CENPP: variants seen among roughly 807,000 people sequenced by gnomAD.
CENPP encodes the protein centromere protein P.
A neutral mutation model predicts 35.6 loss-of-function variants in CENPP; 24 were observed. That is an observed-to-expected ratio of 0.67 (90% CI 0.49 to 0.95). CENPP has a LOEUF of 0.95. Among genes scored for constraint, CENPP ranks in the 40% least tolerant of loss-of-function variants. The pLI, the probability that CENPP is intolerant of heterozygous loss-of-function variation, is 0.00. For missense variants in CENPP, 332 were observed against 345.3 expected (o/e 0.96, Z 0.31); for synonymous variants, 120 against 125.5 (o/e 0.96, Z 0.29).
chr9:92,579,220 G>T (rs1850358965), intron 5 of CENPP, among the ~76,000 whole-genome samples: 1 of 148,720 alleles, frequency 6.7e-6, no homozygotes, highest in Non-Finnish European at 1.5e-5. Context: ...AGTATAGTTT[G>T]AAGTCAGGTA....
chr9:92,345,864 CTCT>C (rs549522176), intron 4 of CENPP, 77 bp downstream of exon 4: 20 of 820,146 alleles, frequency 2.4e-5, no homozygotes, highest in Non-Finnish European at 3.8e-5. Context: ...TTACCTTTTC[CTCT>C]TCTTAGTAAG....
At chr9:92,581,650 G>T (rs1850428640) in intron 5 of CENPP, among the ~76,000 whole-genome samples, 1 of 152,158 alleles carries the variant, frequency 6.6e-6, no homozygotes, top group Non-Finnish European at 1.5e-5. Flanking sequence ...AATAGAAACT[G>T]AGAGAATTTA....
At chr9:92,492,721 T>C (rs1846207795) in intron 5 of CENPP, among the ~76,000 whole-genome samples, 1 of 152,098 alleles carries the variant, frequency 6.6e-6, no homozygotes, top group African/African-American at 2.4e-5. Context: ...AGACTTTCCA[T>C]CCAAATTCTA....
chr9:92,581,058 T>C (rs1850412964), intron 5 of CENPP, among the ~76,000 whole-genome samples: 1 of 152,212 alleles, frequency 6.6e-6, no homozygotes, highest in Non-Finnish European at 1.5e-5. Flanking sequence ...TTTCGTTATG[T>C]ACCCATTAGT....
intron 5 of CENPP, among the ~76,000 whole-genome samples, chr9:92,556,782 C>T (rs73522375): frequency 0.015 from 2,333 of 152,308 alleles, 72 homozygotes; most frequent in African/African-American, 0.053. Context: ...GAGTCCTTAT[C>T]TACTCTGCTG....
intron 5 of CENPP, among the ~76,000 whole-genome samples, chr9:92,591,981 C>G (rs933304486): frequency 3.3e-5 from 5 of 151,394 alleles, no homozygotes; most frequent in African/African-American, 1.2e-4. Context: ...TGCAGCACAC[C>G]AACATGGCAC....
chr9:92,457,373 G>A (rs751232189), intron 5 of CENPP: 42 of 1,613,584 alleles, frequency 2.6e-5, no homozygotes, highest in Non-Finnish European at 3.1e-5. Flanking sequence ...GTATTTCACC[G>A]GGTTGTTGAA....
At chr9:92,502,390 G>A in intron 5 of CENPP, 1 of 1,233,606 alleles carries the variant, frequency 8.1e-7, no homozygotes, top group Non-Finnish European at 1.1e-6. Flanking sequence ...AAACGATTCT[G>A]TCTCCGAGCC....
intron 5 of CENPP, among the ~76,000 whole-genome samples, chr9:92,426,144 G>A (rs1843960568): frequency 6.6e-6 from 1 of 152,118 alleles, no homozygotes; most frequent in African/African-American, 2.4e-5. Flanking sequence ...ATGGGGGGAG[G>A]TGGTGGTAGT....
At chr9:92,494,281 CT>C in intron 5 of CENPP, 1 of 712,028 alleles carries the variant, frequency 1.4e-6, no homozygotes, top group Non-Finnish European at 2.2e-6. Context: ...TTGTTTACAG[CT>C]TAGATTGCCT....
intron 4 of CENPP, among the ~76,000 whole-genome samples, chr9:92,370,107 A>G (rs1588066446): frequency 6.6e-6 from 1 of 152,190 alleles, no homozygotes; most frequent in Non-Finnish European, 1.5e-5. Flanking sequence ...TAGATATGAT[A>G]TATTACATTT....
At chr9:92,376,346 G>A (rs1034015853) in intron 4 of CENPP, among the ~76,000 whole-genome samples, 2 of 152,176 alleles carry the variant, frequency 1.3e-5, no homozygotes, top group Admixed American at 1.3e-4. Flanking sequence ...AACATCCCCT[G>A]TGTAGCTATG....
intron 5 of CENPP, among the ~76,000 whole-genome samples, chr9:92,451,542 C>T (rs540940594): frequency 1.3e-5 from 2 of 152,272 alleles, no homozygotes; most frequent in Admixed American, 6.5e-5. Context: ...ATGCCTCCAG[C>T]TTTGTTCTTT....
At chr9:92,426,930 A>G (rs116920738) in intron 5 of CENPP, among the ~76,000 whole-genome samples, 5,386 of 152,228 alleles carry the variant, frequency 0.035, 133 homozygotes, top group Middle Eastern at 0.075. Context: ...AGCAACAAAC[A>G]CAAAGCCCAG....
intron 5 of CENPP, chr9:92,512,155 C>T: frequency 1.3e-6 from 2 of 1,508,750 alleles, no homozygotes; most frequent in Non-Finnish European, 1.8e-6. Flanking sequence ...ATGTTTTAGG[C>T]ATGTGTGCAT....
At chr9:92,400,983 C>T in intron 5 of CENPP, 1 of 578,708 alleles carries the variant, frequency 1.7e-6, no homozygotes, top group Non-Finnish European at 3.1e-6. Context: ...TAAAATTCCA[C>T]TGTTTGTATT....
At chr9:92,349,757 A>G (rs1226264758) in intron 4 of CENPP, among the ~76,000 whole-genome samples, 2 of 152,194 alleles carry the variant, frequency 1.3e-5, no homozygotes, top group African/African-American at 4.8e-5. Context: ...TTATCTTTAT[A>G]TATGTTTGTA....
At position 92,596,790 on chromosome 9, in the gene CENPP, C is replaced by CT. The variant is rs200144247; in HGVS notation, c.565-14515dup. The stretch of plus-strand genomic sequence containing the variant: ...TTCTGGACTCTGGGCCCCACTGTGG[C>CT]TTTTTTTTTATAACCTTCCTCTATA... On this transcript the variant is annotated intron_variant, in intron 5 of 7. Transcript: ENST00000375587. Among the ~76,000 whole-genome samples the CT allele has an allele frequency of 2.3e-3, 347 of 151,036 alleles. 2 individuals carry two copies. Among genetic ancestry groups the CT allele is most frequent in the African/African-American group, 6.9e-3 (285 of 41,200 alleles).
chr9:92,494,481 C>T (rs1846261781), intron 5 of CENPP, among the ~76,000 whole-genome samples: 1 of 152,144 alleles, frequency 6.6e-6, no homozygotes, highest in South Asian at 2.1e-4. Context: ...CCATAAAATT[C>T]TAGTTTTCTT....
Sources: allele counts gnomAD v4.1 joint callset (sites outside exome capture counted in the v4.1 genomes callset), GRCh38; gene constraint gnomAD v4.1.1; transcripts MANE v1.5; gene names NCBI Gene and HGNC (gene_info 2026-07-23, HGNC 2026-07-21).